Variants in PCDHA7 observed in about 807,000 individuals in gnomAD.
PCDHA7 encodes the protein protocadherin alpha-7.
Under a neutral mutation model 57.2 loss-of-function variants are expected in PCDHA7, and 37 were observed. That is an observed-to-expected ratio of 0.65 (90% CI 0.50 to 0.85). The LOEUF (loss-of-function observed/expected upper bound fraction) is 0.85. Ranked by LOEUF, PCDHA7 falls within the 40% of genes least tolerant of loss-of-function variation. The pLI, the probability that PCDHA7 is intolerant of heterozygous loss-of-function variation, is 0.00. For synonymous variants in PCDHA7, 553 were observed against 558.8 expected (o/e 0.99, Z 0.15); for missense variants, 1,188 against 1,241.8 (o/e 0.96, Z 0.65).
At chr5:140,861,401 G>T in intron 1 of PCDHA7, 1 of 465,630 alleles carries the variant, frequency 2.1e-6, no homozygotes, top group Non-Finnish European at 4.4e-6. Flanking sequence ...TGGAGCTTGT[G>T]GAGCTGATAC....
chr5:140,851,090 A>G lies in PCDHA7; in HGVS notation c.2355+14352A>G. 3.9e-6 allele frequency: 5 copies of G among 1,295,740 alleles called. 1 individual carries two copies. Among genetic ancestry groups the G allele is most frequent in the African/African-American group, 1.5e-5 (1 of 65,588 alleles). The allele number at this position is 1,295,740 out of a possible 1,614,324, so 80.3% of individuals were successfully genotyped here. ...GAGAATTATAAACTGTATATTAAAT[A>G]GATATTTTTTGGGTGCTGAATCAAT... is the stretch of plus-strand genomic sequence containing the variant. On this transcript the variant is annotated intron_variant, in intron 1 of 3. Coordinates refer to ENST00000525929, the MANE Select transcript of PCDHA7 (RefSeq NM_018910.3).
intron 1 of PCDHA7, chr5:140,849,333 T>G: frequency 2.9e-6 from 4 of 1,383,164 alleles, no homozygotes; most frequent in Non-Finnish European, 4.0e-6. Context: ...TATTATTTAC[T>G]CCTTCTCCAG....
rs1220718510 is a variant in PCDHA7, at chr5:140,898,104, A to T, written c.2355+61366A>T. 2.0e-5 allele frequency among the ~76,000 whole-genome samples: 3 copies of T among 152,110 alleles called. No individual in the cohort carries two copies. In the South Asian group the frequency reaches 6.2e-4, roughly 32 times the overall value. On this transcript the variant is annotated intron_variant, in intron 1 of 3. Coordinates refer to ENST00000525929, the MANE Select transcript of PCDHA7 (RefSeq NM_018910.3). Reference sequence around the variant, plus strand: ...CTGGATATTAGCCCTTTGTCAGATGAGTAGGTTGCGAAAATTTTCTCCCAT... The same window carrying T: ...CTGGATATTAGCCCTTTGTCAGATGTGTAGGTTGCGAAAATTTTCTCCCAT...
chr5:140,933,695 G>A lies in PCDHA7; in HGVS notation c.2356-45254G>A, dbSNP rs575994908. On this transcript the variant is annotated intron_variant, in intron 1 of 3. Coordinates refer to ENST00000525929, the MANE Select transcript of PCDHA7 (RefSeq NM_018910.3). ...TCTCACATTTTTTTTCCTATTCCTCGGACACATTTACTGAGATTGGTGATA... is the reference window on the plus strand; with the variant it reads ...TCTCACATTTTTTTTCCTATTCCTCAGACACATTTACTGAGATTGGTGATA... Among the ~76,000 whole-genome samples the A allele has an allele frequency of 1.8e-4, 27 of 151,494 alleles. 1 individual carries two copies. The South Asian group carries it at 3.7e-3, about 21-fold the overall frequency.
chr5:140,870,806 A>C (rs546684407), intron 1 of PCDHA7: 10 of 1,613,686 alleles, frequency 6.2e-6, no homozygotes, highest in Admixed American at 5.0e-5. Flanking sequence ...CTGGCGACTC[A>C]GGCTGGCAGC....
Position 140,914,249 on chromosome 5 carries a change from G to T in PCDHA7, c.2356-64700G>T, listed in dbSNP as rs186578589. 2.8e-3 allele frequency among the ~76,000 whole-genome samples: 422 copies of T among 152,092 alleles called. 2 individuals carry two copies. Among genetic ancestry groups the T allele is most frequent in the Middle Eastern group, 0.014 (4 of 294 alleles). ...AATACTATTTGCTTTTTATATCTGG[G>T]TGCTTCAATGGTGGGTGCATATATA... is the stretch of plus-strand genomic sequence containing the variant. On this transcript the variant is annotated intron_variant, in intron 1 of 3. Coordinates refer to ENST00000525929, the MANE Select transcript of PCDHA7 (RefSeq NM_018910.3).
Position 140,870,063 on chromosome 5 carries a change from G to A in PCDHA7, c.2355+33325G>A. ...ACAAGTTTTATAAAATTGAAGTACA[G>A]GCTACAGATAAGGGGACTCCCCCAA... On this transcript the variant is annotated intron_variant, in intron 1 of 3. Transcript: ENST00000525929. 1.9e-6 allele frequency: 3 copies of A among 1,613,854 alleles called. No homozygotes were observed. The East Asian group carries it at 6.7e-5, about 36-fold the overall frequency.
At chr5:140,991,919 A>T (rs185947527) in intron 3 of PCDHA7, among the ~76,000 whole-genome samples, 96 of 152,274 alleles carry the variant, frequency 6.3e-4, no homozygotes, top group Admixed American at 1.2e-3. Flanking sequence ...GCCATGTAAC[A>T]TAACATATTC....
chr5:140,858,060 G>A lies in PCDHA7; in HGVS notation c.2355+21322G>A, dbSNP rs17844348. ...ACTGTGCTTGTGTCGCTTGTGGAGG[G>A]CAGCCAGGCACCCAAGGCCTCGTCG... On this transcript the variant is annotated intron_variant, in intron 1 of 3. Transcript: ENST00000525929. The A allele has an allele frequency of 4.3e-4, 686 of 1,597,590 alleles. 15 individuals are homozygous for A. In the East Asian group the frequency reaches 0.015, roughly 34 times the overall value.
chr5:141,000,421 A>T (rs4912737), intron 3 of PCDHA7, among the ~76,000 whole-genome samples: 2,503 of 28,048 alleles, frequency 0.089, 337 homozygotes, highest in East Asian at 0.098. Flanking sequence ...ATATATATAT[A>T]TTTTTTTTTT....
At chr5:140,871,658 C>G in intron 1 of PCDHA7, 2 of 1,224,216 alleles carry the variant, frequency 1.6e-6, no homozygotes, top group Non-Finnish European at 2.2e-6. Context: ...TGATACACAT[C>G]TTCAGTCTTT....
intron 1 of PCDHA7, chr5:140,927,568 A>G: frequency 1.9e-6 from 3 of 1,614,174 alleles, no homozygotes; most frequent in Non-Finnish European, 2.5e-6. Context: ...TGTGGTGGAC[A>G]CAAATGACAA....
At position 140,836,708 on chromosome 5, in the gene PCDHA7, C is replaced by T. The variant is rs1774690824; in HGVS notation, c.2325C>T (p.Ser775=). The T allele has an allele frequency of 6.2e-7, 1 of 1,613,072 alleles. No individual in the cohort carries two copies. The highest frequency in any genetic ancestry group is 8.5e-7 in the Non-Finnish European group (1 of 1,179,444). The change falls in exon 1 of 4, where the codon AGC becomes AGT. Residue 775 remains serine, a synonymous_variant. Coordinates refer to ENST00000525929, the MANE Select transcript of PCDHA7 (RefSeq NM_018910.3). ...CAGACCTCATGGCCTTCAGTCCCAG[C>T]CTTCCTCAGGGTCCATCCTCTACAG... The part of the protein sequence containing the change: ...PKTDLMAFSP[S]LPQGPSSTDN...
intron 1 of PCDHA7, among the ~76,000 whole-genome samples, chr5:140,951,327 C>T (rs782778063): frequency 5.3e-5 from 8 of 152,026 alleles, no homozygotes; most frequent in Non-Finnish European, 8.8e-5. Context: ...TGAGATTCAT[C>T]ATTCTGTTTG....
At chr5:140,882,713 G>T (rs1554175318) in intron 1 of PCDHA7, 6 of 1,614,198 alleles carry the variant, frequency 3.7e-6, no homozygotes, top group African/African-American at 1.3e-5. Context: ...TAGACCTCCG[G>T]AAACTCGATT....
chr5:140,850,793 G>C (rs1232565289), intron 1 of PCDHA7: 2 of 1,598,464 alleles, frequency 1.3e-6, no homozygotes, highest in Non-Finnish European at 1.7e-6. Flanking sequence ...GTAAGCAGAA[G>C]ACCGACCTCA....
At position 140,836,168 on chromosome 5, in the gene PCDHA7, T is replaced by A; in HGVS notation, c.1785T>A (p.Arg595=). 1.2e-6 allele frequency: 2 copies of A among 1,613,802 alleles called. No individual in the cohort carries two copies. Among genetic ancestry groups the A allele is most frequent in the Non-Finnish European group, 1.7e-6 (2 of 1,179,774 alleles). ...CGGGCCATGTGGTGGCGAAGGTACG[T>A]GCAGTTGACGCTGACTCAGGCTACA... ...VGAGHVVAKV[R]AVDADSGYNA... Residue 595 remains arginine (R), a synonymous_variant, in exon 1 of 4, where the codon CGT becomes CGA. Coordinates refer to ENST00000525929, the MANE Select transcript of PCDHA7 (RefSeq NM_018910.3).
chr5:140,835,878 G>T lies in PCDHA7; in HGVS notation c.1495G>T (p.Val499Leu), dbSNP rs138465402. Residue 499 changes from valine (V) to leucine (L), a missense_variant, in exon 1 of 4, where the codon GTG becomes TTG. Coordinates refer to ENST00000525929, the MANE Select transcript of PCDHA7 (RefSeq NM_018910.3). The part of the protein sequence containing the change: ...LVSYSLVELR[V>L]GERALSSYVS... ...GTCCTACTCGCTGGTGGAGCTGCGG[G>T]TGGGCGAGCGCGCGCTGTCGAGCTA... The T allele has an allele frequency of 1.4e-4, 227 of 1,611,876 alleles. 3 individuals carry two copies. The highest frequency in any genetic ancestry group is 3.7e-4 in the Admixed American group (22 of 59,972).
intron 3 of PCDHA7, among the ~76,000 whole-genome samples, chr5:140,996,976 G>A (rs573896136): frequency 2.6e-5 from 4 of 152,078 alleles, no homozygotes; most frequent in East Asian, 3.9e-4. Flanking sequence ...CTCCCCTTTG[G>A]TGAAGCAACC....
Sources: allele counts gnomAD v4.1 joint callset (sites outside exome capture counted in the v4.1 genomes callset), GRCh38; gene constraint gnomAD v4.1.1; transcripts MANE v1.5; gene names NCBI Gene and HGNC (gene_info 2026-07-23, HGNC 2026-07-21).